FOXP1: variants seen among roughly 807,000 people sequenced by gnomAD.
FOXP1 encodes forkhead box protein P1.
Under a neutral mutation model 98.2 loss-of-function variants are expected in FOXP1, and 15 were observed. The ratio of observed to expected loss-of-function variants is 0.15; its 90% CI spans 0.10 to 0.24. The LOEUF is 0.24. Ranked by LOEUF, FOXP1 falls within the 10% of genes least tolerant of loss-of-function variation. FOXP1 has a pLI of 1.00. For synonymous variants in FOXP1, 371 were observed against 314.5 expected (o/e 1.18, Z -1.90); for missense variants, 633 against 848.5 (o/e 0.75, Z 3.15).
At chr3:71,520,760 T>C (rs985355436) in intron 2 of FOXP1, among the ~76,000 whole-genome samples, 1 of 152,200 alleles carries the variant, frequency 6.6e-6, no homozygotes, top group African/African-American at 2.4e-5. Context: ...AGGTTGGCAT[T>C]GACAAGTCAA....
intron 11 of FOXP1, among the ~76,000 whole-genome samples, chr3:71,019,783 T>G (rs141054943): frequency 6.6e-6 from 1 of 151,810 alleles, no homozygotes. Flanking sequence ...GTGAGCCCGA[T>G]TGCACCACTG....
At chr3:71,073,955 G>C (rs1448844244) in intron 7 of FOXP1, among the ~76,000 whole-genome samples, 5 of 152,202 alleles carry the variant, frequency 3.3e-5, no homozygotes, top group South Asian at 2.1e-4. Context: ...CTCATGAACA[G>C]AGAGGTGCAG....
chr3:71,541,677 C>T (rs1241929450), intron 2 of FOXP1, among the ~76,000 whole-genome samples: 7 of 151,770 alleles, frequency 4.6e-5, no homozygotes, highest in African/African-American at 1.5e-4. Context: ...GAATTTACTC[C>T]GAGAGCATTA....
intron 6 of FOXP1, among the ~76,000 whole-genome samples, chr3:71,114,520 GA>G (rs2058208398): frequency 6.6e-6 from 1 of 152,198 alleles, no homozygotes; most frequent in Admixed American, 6.5e-5. Flanking sequence ...AGGTGCAAAG[GA>G]AAGCTAAGAA....
At chr3:71,266,350 A>G (rs1341159670) in intron 5 of FOXP1, among the ~76,000 whole-genome samples, 1 of 152,006 alleles carries the variant, frequency 6.6e-6, no homozygotes, top group Non-Finnish European at 1.5e-5. Flanking sequence ...CCCAGGTTTA[A>G]GCAATTCTCC....
intron 7 of FOXP1, among the ~76,000 whole-genome samples, chr3:71,071,666 T>C (rs1455327411): frequency 6.6e-6 from 1 of 152,108 alleles, no homozygotes; most frequent in African/African-American, 2.4e-5. Context: ...CTCCGCCCCC[T>C]GTGTTCAAGC....
chr3:71,086,428 CA>C, intron 7 of FOXP1, among the ~76,000 whole-genome samples: 1 of 152,284 alleles, frequency 6.6e-6, no homozygotes, highest in South Asian at 2.1e-4. Flanking sequence ...GTGACAACAA[CA>C]TATACAAACA....
At chr3:71,243,583 A>G (rs1173415479) in intron 5 of FOXP1, among the ~76,000 whole-genome samples, 1 of 152,236 alleles carries the variant, frequency 6.6e-6, no homozygotes, top group Non-Finnish European at 1.5e-5. Flanking sequence ...ACTAATGAAC[A>G]AGTACGTCCC....
Position 71,348,538 on chromosome 3 carries a change from T to C in FOXP1, c.-73+10612A>G, listed in dbSNP as rs201128994. Among the ~76,000 whole-genome samples the C allele has an allele frequency of 1.7e-4, 12 of 72,490 alleles. No individual in the cohort carries two copies. The East Asian group carries it at 3.1e-3, about 18-fold the overall frequency. The allele number at this position is 72,490 out of a possible 152,430, so 47.6% of individuals were successfully genotyped here. On this transcript the variant is annotated intron_variant, in intron 4 of 20. Transcript: ENST00000649528. ...GTGTGTGTGCGTGTGTGTGTGTGTG[T>C]GTGTGTGTGTGCGTGCGCGCGCGCA...
intron 3 of FOXP1, among the ~76,000 whole-genome samples, chr3:71,398,144 C>G (rs1348524978): frequency 1.3e-5 from 2 of 152,212 alleles, no homozygotes; most frequent in Non-Finnish European, 2.9e-5. Flanking sequence ...TTTAACAGAG[C>G]TTTGTGTGTG....
chr3:71,153,383 C>T (rs2060665493), intron 6 of FOXP1, among the ~76,000 whole-genome samples: 1 of 152,054 alleles, frequency 6.6e-6, no homozygotes, highest in African/African-American at 2.4e-5. Flanking sequence ...TCTCCAGGGA[C>T]GTTTCCAGGT....
At chr3:71,020,868 G>A (rs181962978) in intron 11 of FOXP1, among the ~76,000 whole-genome samples, 6 of 152,110 alleles carry the variant, frequency 3.9e-5, no homozygotes, top group East Asian at 3.9e-4. Context: ...AAAAGGCTAC[G>A]TACATCTGTG....
At chr3:71,259,819 G>A (rs150636314) in intron 5 of FOXP1, among the ~76,000 whole-genome samples, 2 of 152,172 alleles carry the variant, frequency 1.3e-5, no homozygotes, top group Admixed American at 1.3e-4. Context: ...TGCTAGTTAC[G>A]TATAAAGTCC....
chr3:71,267,111 T>A (rs539482310), intron 5 of FOXP1, among the ~76,000 whole-genome samples: 8 of 114,126 alleles, frequency 7.0e-5, no homozygotes, highest in Admixed American at 9.1e-5. Flanking sequence ...TCACGCTGCA[T>A]TTTATGGGAG....
intron 7 of FOXP1, among the ~76,000 whole-genome samples, chr3:71,089,152 GTA>G (rs2055504660): frequency 6.6e-6 from 1 of 152,154 alleles, no homozygotes; most frequent in Non-Finnish European, 1.5e-5. Flanking sequence ...GCCTTGGATA[GTA>G]CCTTCCAACA....
chr3:71,471,888 C>T (rs573957114), intron 3 of FOXP1, among the ~76,000 whole-genome samples: 3 of 152,238 alleles, frequency 2.0e-5, no homozygotes, highest in South Asian at 2.1e-4. Context: ...AAGAAAGACC[C>T]GGCAGCATAA....
chr3:71,227,343 C>A (rs1369481038), intron 5 of FOXP1, among the ~76,000 whole-genome samples: 1 of 152,066 alleles, frequency 6.6e-6, no homozygotes, highest in Non-Finnish European at 1.5e-5. Context: ...GCAACAGAGC[C>A]CTCTGATATA....
intron 3 of FOXP1, among the ~76,000 whole-genome samples, chr3:71,482,123 C>T (rs1419583095): frequency 6.6e-6 from 1 of 152,138 alleles, no homozygotes; most frequent in Non-Finnish European, 1.5e-5. Flanking sequence ...CTGCTGTCTT[C>T]CCTCATGATA....
chr3:71,263,932 T>C (rs1306153600), intron 5 of FOXP1, among the ~76,000 whole-genome samples: 1 of 151,392 alleles, frequency 6.6e-6, no homozygotes, highest in African/African-American at 2.4e-5. Context: ...TTTTTTTAAA[T>C]TAGAGATGAG....
Sources: allele counts gnomAD v4.1 joint callset (sites outside exome capture counted in the v4.1 genomes callset), GRCh38; gene constraint gnomAD v4.1.1; transcripts MANE v1.5; gene names NCBI Gene and HGNC (gene_info 2026-07-23, HGNC 2026-07-21).